Variants in NRF1 observed in about 807,000 individuals in gnomAD.
NRF1 encodes the protein alpha palindromic-binding protein.
NRF1 carries 5 observed loss-of-function variants against 58.5 expected under a neutral mutation model. The ratio of observed to expected loss-of-function variants is 0.09; its 90% CI spans 0.04 to 0.18. The LOEUF (loss-of-function observed/expected upper bound fraction) is 0.18, where lower values mean the gene tolerates loss of function less well. NRF1 is among the 10% of genes least tolerant of loss of function. The probability of loss-of-function intolerance (pLI) is 1.00; values close to 1 mark genes in which losing one functional copy is unlikely to be tolerated. For missense variants in NRF1, 288 were observed against 657.7 expected (o/e 0.44, Z 6.15); for synonymous variants, 224 against 246.7 (o/e 0.91, Z 0.86).
chr7:129,619,482 GTGTGTGTGTATATA>G lies in NRF1; in HGVS notation c.-7+7660_-7+7673del, dbSNP rs1250726535. ...CACGTGTGTGTGTGTGTGTGTGTGT[GTGTGTGTGTATATA>G]TATATATATATATATATGTATTGTT... On this transcript the variant is annotated intron_variant, in intron 1 of 10. Transcript: ENST00000393232. Among the ~76,000 whole-genome samples, 18 of 31,170 alleles carry G rather than the reference GTGTGTGTGTATATA, an allele frequency of 5.8e-4. 1 individual carries two copies. Among genetic ancestry groups the G allele is most frequent in the South Asian group, 1.9e-3 (1 of 524 alleles). 20.4% of individuals were successfully genotyped at this position (31,170 alleles called of 152,430 possible). A position where few individuals can be genotyped will look rare whatever the true frequency, so the allele number is the denominator to read the frequency against.
At chr7:129,733,344 G>A (rs4731620) in intron 10 of NRF1, among the ~76,000 whole-genome samples, 45,353 of 150,900 alleles carry the variant, frequency 0.3, 6,856 homozygotes, top group Admixed American at 0.39. Context: ...GCGGGTGCCT[G>A]TAGTCCCAGC....
At chr7:129,724,325 A>G (rs1303727639) in intron 9 of NRF1, among the ~76,000 whole-genome samples, 3 of 152,208 alleles carry the variant, frequency 2.0e-5, no homozygotes, top group Admixed American at 6.5e-5. Context: ...CCAAACTACA[A>G]TGAGATATCA....
chr7:129,673,711 C>T (rs1381947718), intron 3 of NRF1, among the ~76,000 whole-genome samples: 3 of 73,974 alleles, frequency 4.1e-5, no homozygotes, highest in African/African-American at 5.7e-5. Flanking sequence ...AGCGAGACTC[C>T]GTCTCAAAAA....
intron 1 of NRF1, among the ~76,000 whole-genome samples, chr7:129,655,816 C>A (rs1468965004): frequency 6.6e-6 from 1 of 152,200 alleles, no homozygotes; most frequent in East Asian, 1.9e-4. Context: ...GCCACCTCGG[C>A]CAGCCTTCTT....
intron 10 of NRF1, among the ~76,000 whole-genome samples, chr7:129,740,997 A>G (rs1803833270): frequency 6.6e-6 from 1 of 152,160 alleles, no homozygotes; most frequent in Non-Finnish European, 1.5e-5. Context: ...CATGTGAAAG[A>G]CTGGATACCT....
chr7:129,621,778 A>G (rs1708435458), intron 1 of NRF1, among the ~76,000 whole-genome samples: 2 of 140,724 alleles, frequency 1.4e-5, no homozygotes. Flanking sequence ...TTTTCTCCAT[A>G]GAATTTTTTT....
intron 1 of NRF1, among the ~76,000 whole-genome samples, chr7:129,621,581 C>A (rs1562950958): frequency 6.6e-6 from 1 of 152,044 alleles, no homozygotes; most frequent in East Asian, 1.9e-4. Context: ...AAGAACTAGC[C>A]AAGATTTGCT....
chr7:129,697,545 C>T (rs1802728333), intron 5 of NRF1, among the ~76,000 whole-genome samples: 1 of 142,752 alleles, frequency 7.0e-6, no homozygotes, highest in Non-Finnish European at 1.5e-5. Context: ...GAGACGCAGT[C>T]TCAAAAAAAA....
intron 9 of NRF1, among the ~76,000 whole-genome samples, chr7:129,719,104 C>T (rs1175188541): frequency 6.6e-6 from 1 of 151,462 alleles, no homozygotes; most frequent in Non-Finnish European, 1.5e-5. Context: ...GTCTTGGAAA[C>T]TGAAGTAGTA....
chr7:129,673,992 T>C (rs1802117290), intron 3 of NRF1, among the ~76,000 whole-genome samples: 1 of 151,540 alleles, frequency 6.6e-6, no homozygotes, highest in Admixed American at 6.6e-5. Flanking sequence ...ATAGAAAATA[T>C]AAGCCAGGCA....
intron 1 of NRF1, among the ~76,000 whole-genome samples, chr7:129,619,065 A>G (rs1013109328): frequency 3.9e-5 from 6 of 152,178 alleles, no homozygotes; most frequent in African/African-American, 9.6e-5. Flanking sequence ...ATGCTTAACC[A>G]TATCAGGAGT....
At chr7:129,658,763 G>T (rs1443236728) in intron 2 of NRF1, among the ~76,000 whole-genome samples, 1 of 152,012 alleles carries the variant, frequency 6.6e-6, no homozygotes, top group Non-Finnish European at 1.5e-5. Context: ...CTCTTTATCT[G>T]TGGGCTCCAC....
chr7:129,619,510 A>ATG (rs557412278), intron 1 of NRF1, among the ~76,000 whole-genome samples: 1,470 of 121,526 alleles, frequency 0.012, 68 homozygotes, highest in African/African-American at 0.042. Context: ...ATATATATAT[A>ATG]TATGTATTGT....
intron 10 of NRF1, among the ~76,000 whole-genome samples, chr7:129,734,663 C>T (rs764919289): frequency 3.5e-4 from 53 of 152,326 alleles, no homozygotes; most frequent in Admixed American, 8.5e-4. Context: ...TATGCTTCTC[C>T]GGTTGCAGAA....
At chr7:129,644,968 C>T (rs1012632105) in intron 1 of NRF1, among the ~76,000 whole-genome samples, 12 of 150,890 alleles carry the variant, frequency 8.0e-5, no homozygotes, top group African/African-American at 2.2e-4. Flanking sequence ...GATTCAAAAA[C>T]GATTAAGAAC....
intron 1 of NRF1, among the ~76,000 whole-genome samples, chr7:129,634,601 T>G (rs1801129467): frequency 6.6e-6 from 1 of 152,206 alleles, no homozygotes; most frequent in South Asian, 2.1e-4. Context: ...GAGTAACATC[T>G]TGGTTGTGTT....
At chr7:129,656,078 G>A (rs1373409067) in intron 1 of NRF1, among the ~76,000 whole-genome samples, 2 of 151,820 alleles carry the variant, frequency 1.3e-5, no homozygotes, top group Non-Finnish European at 1.5e-5. Context: ...GTGTACAGAT[G>A]TCTATTCAAG....
intron 2 of NRF1, among the ~76,000 whole-genome samples, chr7:129,665,819 C>A (rs1801907643): frequency 6.6e-6 from 1 of 152,142 alleles, no homozygotes; most frequent in African/African-American, 2.4e-5. Context: ...TGCCATGTTG[C>A]CCAGGGCTGG....
At chr7:129,711,620 TATA>T (rs1338787031) in intron 8 of NRF1, 44 bp downstream of exon 8, 2 of 1,473,196 alleles carry the variant, frequency 1.4e-6, no homozygotes, top group East Asian at 2.3e-5. Context: ...TACTTGAATG[TATA>T]ATGAGGGAAA....
Sources: gnomAD v4.1 joint callset for allele counts (sites outside exome capture counted in the v4.1 genomes callset) on GRCh38, gnomAD v4.1.1 for gene constraint, MANE v1.5 for transcripts, NCBI Gene and HGNC (gene_info 2026-07-23, HGNC 2026-07-21) for gene names.